The following ADGRB3 variants were observed in gnomAD, a reference collection of about 807,000 sequenced individuals.
ADGRB3 encodes the protein brain-specific angiogenesis inhibitor 3.
ADGRB3 carries 37 observed loss-of-function variants against 193.4 expected under a neutral mutation model. The observed-to-expected ratio is 0.19, with a 90% CI of 0.15 to 0.25. ADGRB3 has a LOEUF of 0.25. ADGRB3 is among the 10% of genes least tolerant of loss of function. The pLI is 1.00. For missense variants in ADGRB3, 1,637 were observed against 1,852.9 expected (o/e 0.88, Z 2.14); for synonymous variants, 690 against 644.2 (o/e 1.07, Z -1.08).
intron 26 of ADGRB3, among the ~76,000 whole-genome samples, chr6:69,343,930 A>T (rs535630976): frequency 1.3e-5 from 2 of 152,266 alleles, no homozygotes; most frequent in Non-Finnish European, 1.5e-5. Context: ...AAAATATACT[A>T]TTTACTATTC....
chr6:68,833,500 C>T (rs1767990973), intron 3 of ADGRB3, among the ~76,000 whole-genome samples: 1 of 144,800 alleles, frequency 6.9e-6, no homozygotes, highest in South Asian at 2.2e-4. Context: ...AATGTTATTA[C>T]ACTGTTCATA....
At chr6:69,362,004 A>G (rs557772066) in intron 29 of ADGRB3, among the ~76,000 whole-genome samples, 1 of 151,960 alleles carries the variant, frequency 6.6e-6, no homozygotes, top group Non-Finnish European at 1.5e-5. Context: ...TTTTACCATT[A>G]TACTGATGAA....
At chr6:68,743,350 T>TG (rs1554186295) in intron 3 of ADGRB3, among the ~76,000 whole-genome samples, 73 of 132,188 alleles carry the variant, frequency 5.5e-4, no homozygotes, top group African/African-American at 2.0e-3. Flanking sequence ...TGTTTTTTTT[T>TG]TTGTGTGTGT....
At chr6:68,740,629 C>T (rs1455997070) in intron 3 of ADGRB3, among the ~76,000 whole-genome samples, 1 of 152,032 alleles carries the variant, frequency 6.6e-6, no homozygotes, top group African/African-American at 2.4e-5. Flanking sequence ...CTTGTATGGG[C>T]CACAATGTCA....
chr6:69,028,828 A>C (rs1460191744), intron 13 of ADGRB3, among the ~76,000 whole-genome samples: 1 of 152,200 alleles, frequency 6.6e-6, no homozygotes, highest in African/African-American at 2.4e-5. Context: ...CAACATAAAG[A>C]AAGATATTTT....
chr6:68,870,668 G>A (rs948980304), intron 3 of ADGRB3, among the ~76,000 whole-genome samples: 1 of 152,118 alleles, frequency 6.6e-6, no homozygotes, highest in Non-Finnish European at 1.5e-5. Context: ...AGTCTGCATG[G>A]GTTCAAATCC....
In ADGRB3 at chr6:69,123,702, A is replaced by G. The variant is rs1773780332; in HGVS notation, c.2480+47664A>G. 3.9e-5 allele frequency among the ~76,000 whole-genome samples: 6 copies of G among 152,276 alleles called. No individual in the cohort carries two copies. In the South Asian group the frequency reaches 1.2e-3, roughly 32 times the overall value. ...GACATTTGAGAGTAGACTTCATGGGAGTAGGGGAGCGAATCATATATGGAG... is the reference window on the plus strand; with the variant it reads ...GACATTTGAGAGTAGACTTCATGGGGGTAGGGGAGCGAATCATATATGGAG... On this transcript the variant is annotated intron_variant, in intron 17 of 31. Coordinates refer to ENST00000370598, the MANE Select transcript of ADGRB3 (RefSeq NM_001704.3).
rs182203960 is a variant in ADGRB3 at position 69,336,940 on chromosome 6, C to T, written c.3189-1976C>T. ...TCCAGTAATAGAATGCCAAAGGTGT[C>T]CTACCAGTTAACATCAAGCATAGTT... On this transcript the variant is annotated intron_variant, in intron 24 of 31. Transcript: ENST00000370598. Among the ~76,000 whole-genome samples the T allele has an allele frequency of 3.3e-5, 5 of 152,110 alleles. No individual in the cohort carries two copies. The East Asian group carries it at 7.7e-4, about 24-fold the overall frequency.
intron 17 of ADGRB3, among the ~76,000 whole-genome samples, chr6:69,150,729 A>T (rs895721222): frequency 1.1e-4 from 17 of 152,198 alleles, no homozygotes; most frequent in Non-Finnish European, 2.9e-5. Context: ...TCACACTTGA[A>T]GTCAGCATAT....
Position 69,051,878 on chromosome 6 carries a change from A to AT in ADGRB3, c.2333+2539dup, listed in dbSNP as rs563653242. Among the ~76,000 whole-genome samples the AT allele has an allele frequency of 2.1e-3, 315 of 152,138 alleles. 1 individual carries two copies. Among genetic ancestry groups the AT allele is most frequent in the African/African-American group, 7.3e-3 (301 of 41,500 alleles). On this transcript the variant is annotated intron_variant, in intron 15 of 31. Coordinates refer to ENST00000370598, the MANE Select transcript of ADGRB3 (RefSeq NM_001704.3). ...AACAGTTCTTAATAAATGGTCAAGG[A>AT]TTTTTTTCTGTAATAATTAATTTTC...
intron 16 of ADGRB3, 32 bp downstream of exon 16, chr6:69,063,068 T>G: frequency 6.7e-7 from 1 of 1,489,540 alleles, no homozygotes; most frequent in Non-Finnish European, 9.4e-7. Context: ...CTGACTTGCT[T>G]ATGGAATTAC....
rs183515697 is a variant in ADGRB3, at chr6:68,937,015, C to G, written c.1030+335C>G. ...AATGCTTGAGGAAAAATGTAATCTG[C>G]CTACATACTAAAAATATAATGTATA... On this transcript the variant is annotated intron_variant, in intron 5 of 31. Transcript: ENST00000370598. 6.4e-4 allele frequency among the ~76,000 whole-genome samples: 97 copies of G among 152,224 alleles called. 2 individuals are homozygous for G. Among genetic ancestry groups the G allele is most frequent in the Admixed American group, 6.3e-3 (97 of 15,290 alleles).
intron 3 of ADGRB3, among the ~76,000 whole-genome samples, chr6:68,673,390 G>A (rs1270867258): frequency 6.6e-6 from 1 of 152,088 alleles, no homozygotes. Flanking sequence ...TCCCAGAAAA[G>A]ATAATATGTA....
At chr6:68,943,300 C>A (rs1767691251) in intron 5 of ADGRB3, among the ~76,000 whole-genome samples, 1 of 152,036 alleles carries the variant, frequency 6.6e-6, no homozygotes, top group South Asian at 2.1e-4. Context: ...GGCAAAAAAT[C>A]TATTTTCTAA....
At chr6:69,250,629 G>A (rs544428595) in intron 20 of ADGRB3, among the ~76,000 whole-genome samples, 47 of 152,082 alleles carry the variant, frequency 3.1e-4, no homozygotes, top group Non-Finnish European at 6.0e-4. Context: ...AAGATGTGTC[G>A]GAGCCACAGG....
chr6:68,883,357 T>A (rs1480843043), intron 3 of ADGRB3, among the ~76,000 whole-genome samples: 1 of 152,136 alleles, frequency 6.6e-6, no homozygotes, highest in African/African-American at 2.4e-5. Flanking sequence ...ATCAGCAGGA[T>A]GTGGGTGGGG....
At chr6:69,295,505 G>A (rs1247363618) in intron 20 of ADGRB3, among the ~76,000 whole-genome samples, 1 of 152,096 alleles carries the variant, frequency 6.6e-6, no homozygotes, top group Admixed American at 6.6e-5. Flanking sequence ...GGCTGCCCAG[G>A]ATATTGATGG....
chr6:68,795,964 A>C (rs186333688), intron 3 of ADGRB3, among the ~76,000 whole-genome samples: 79 of 152,214 alleles, frequency 5.2e-4, no homozygotes, highest in African/African-American at 1.6e-3. Flanking sequence ...GACTCGTAAA[A>C]TTTCAGGTTC....
chr6:68,988,213 A>C (rs1351548658), intron 10 of ADGRB3, among the ~76,000 whole-genome samples: 1 of 152,186 alleles, frequency 6.6e-6, no homozygotes, highest in Non-Finnish European at 1.5e-5. Flanking sequence ...GGAATGGATA[A>C]GATAACAACA....
Sources: gnomAD v4.1 joint callset for allele counts (sites outside exome capture counted in the v4.1 genomes callset) on GRCh38, gnomAD v4.1.1 for gene constraint, MANE v1.5 for transcripts, NCBI Gene and HGNC (gene_info 2026-07-23, HGNC 2026-07-21) for gene names.